Variants in ARID4A observed in about 807,000 individuals in gnomAD.
ARID4A encodes the protein AT-rich interactive domain-containing protein 4A.
ARID4A carries 39 observed loss-of-function variants against 148.6 expected under a neutral mutation model. The ratio of observed to expected loss-of-function variants is 0.26; its 90% confidence interval spans 0.20 to 0.34. ARID4A has a LOEUF of 0.34. Ranked by LOEUF, ARID4A falls within the 10% of genes least tolerant of loss-of-function variation. The probability of loss-of-function intolerance (pLI) is 1.00; values close to 1 mark genes in which losing one functional copy is unlikely to be tolerated. For synonymous variants in ARID4A, 475 were observed against 481.2 expected (o/e 0.99, Z 0.17); for missense variants, 1,265 against 1,449.1 (o/e 0.87, Z 2.06).
rs753746892 is a variant in ARID4A, at chr14:58,364,271, A to C, written c.2182A>C (p.Asn728His). ...TGAACTAGAAAAAAATGAAAATTTG[A>C]ATGATGATAAGCTAGATGAAGAAAA... Reference protein sequence around the residue: ...KDELEKNENLNDDKLDEENPK... With the variant: ...KDELEKNENLHDDKLDEENPK... The change falls in exon 20 of 24, where the codon AAT becomes CAT. Residue 728 changes from asparagine to histidine, a missense_variant. Physicochemically the swap from Asn to His is moderately conservative, Grantham distance 68. This residue lies in a region of ARID4A where 666 missense variants were observed against 730.9 expected (regional missense o/e 0.91). Transcript: ENST00000355431. The C allele has an allele frequency of 3.9e-6, 6 of 1,545,734 alleles. No homozygotes were observed. The highest frequency in any genetic ancestry group is 5.2e-6 in the Non-Finnish European group (6 of 1,156,446).
intron 18 of ARID4A, among the ~76,000 whole-genome samples, chr14:58,360,679 G>T (rs1235391250): frequency 6.6e-6 from 1 of 152,210 alleles, no homozygotes; most frequent in East Asian, 1.9e-4. Flanking sequence ...AAATTCAGCA[G>T]TGGAGGATTA....
chr14:58,361,048 A>T lies in ARID4A; in HGVS notation c.2080+6A>T, dbSNP rs748801380. The stretch of plus-strand genomic sequence containing the variant: ...AAACAGTGAAGGAAAATCAGGTACC[A>T]GAAGTGCTCGCAGCAATATACCAGA... On this transcript the variant is annotated splice_donor_region_variant and intron_variant, in intron 19 of 23. Transcript: ENST00000355431. The T allele has an allele frequency of 5.6e-6, 9 of 1,613,060 alleles. No homozygotes were observed. The highest frequency in any genetic ancestry group is 7.6e-6 in the Non-Finnish European group (9 of 1,179,610).
chr14:58,316,636 A>C (rs2032431260), intron 5 of ARID4A, among the ~76,000 whole-genome samples: 1 of 152,122 alleles, frequency 6.6e-6, no homozygotes, highest in African/African-American at 2.4e-5. Context: ...GCTGGAGTGC[A>C]ATGGCGCAAT....
At chr14:58,317,429 C>G (rs973960222) in intron 5 of ARID4A, among the ~76,000 whole-genome samples, 2 of 148,798 alleles carry the variant, frequency 1.3e-5, no homozygotes, top group African/African-American at 4.9e-5. Flanking sequence ...GGACTACAGG[C>G]GCCCGCCACC....
At chr14:58,317,624 C>CTTTTTTTTTTTTTTTTTTT (rs71107933) in intron 5 of ARID4A, among the ~76,000 whole-genome samples, 1 of 69,888 alleles carries the variant, frequency 1.4e-5, no homozygotes, top group African/African-American at 6.3e-5. Context: ...TTATATTTGT[C>CTTTTTTTTTTTTTTTTTTT]TTTTTTTTTT....
intron 8 of ARID4A, among the ~76,000 whole-genome samples, chr14:58,325,988 A>AGTAACAG (rs1323841326): frequency 6.6e-6 from 1 of 152,154 alleles, no homozygotes; most frequent in Non-Finnish European, 1.5e-5. Flanking sequence ...GAATAATTCA[A>AGTAACAG]GTAACAGTAA....
At chr14:58,361,498 G>A (rs932008330) in intron 19 of ARID4A, among the ~76,000 whole-genome samples, 1 of 152,142 alleles carries the variant, frequency 6.6e-6, no homozygotes, top group Non-Finnish European at 1.5e-5. Flanking sequence ...GAATTTATAT[G>A]CCAGCTACTG....
chr14:58,319,659 C>G (rs2032725010), intron 7 of ARID4A, among the ~76,000 whole-genome samples: 1 of 145,932 alleles, frequency 6.9e-6, no homozygotes. Flanking sequence ...ATTCTCCTGC[C>G]TCAGCCTCCT....
chr14:58,368,749 A>G (rs113989615), intron 23 of ARID4A, among the ~76,000 whole-genome samples: 4 of 152,342 alleles, frequency 2.6e-5, no homozygotes, highest in African/African-American at 9.6e-5. Flanking sequence ...AAGTCTAAAC[A>G]CAAAATTCAT....
chr14:58,349,804 A>G (rs1371352982), intron 15 of ARID4A, among the ~76,000 whole-genome samples: 1 of 151,880 alleles, frequency 6.6e-6, no homozygotes, highest in African/African-American at 2.4e-5. Flanking sequence ...TCATTTACCT[A>G]TAGATATTTT....
In ARID4A at chr14:58,364,349, C is replaced by T; in HGVS notation, c.2260C>T (p.Pro754Ser). ...AGAAAATGATAGGACTCAAATGCAG[C>T]CTTTAGAAACCCTGAAGTTAGAAGT... ...LKENDRTQMQ[P>S]LETLKLEVGE... The change falls in exon 20 of 24, where the codon CCT (proline) becomes TCT (serine). Residue 754 changes from proline to serine, a missense_variant. Physicochemically the swap from Pro to Ser is moderately conservative, Grantham distance 74 (BLOSUM62 -1). Transcript: ENST00000355431. 1.3e-6 allele frequency: 2 copies of T among 1,587,686 alleles called. No individual in the cohort carries two copies. Among genetic ancestry groups the T allele is most frequent in the South Asian group, 2.4e-5 (2 of 84,222 alleles).
chr14:58,333,833 A>G (rs1402590310), intron 11 of ARID4A, among the ~76,000 whole-genome samples: 2 of 152,166 alleles, frequency 1.3e-5, no homozygotes, highest in African/African-American at 4.8e-5. Flanking sequence ...TAGGAAATCC[A>G]TGCTAAATTG....
At chr14:58,371,850 G>A (rs2140283824) in intron 23 of ARID4A, 36 bp from the exon 24 acceptor site, 4 of 1,510,982 alleles carry the variant, frequency 2.6e-6, no homozygotes, top group Non-Finnish European at 3.7e-6. Context: ...TTGTGTAACA[G>A]TTTTTGGATC....
Position 58,353,639 on chromosome 14 carries a change from G to A in ARID4A, c.1656-19G>A. ...CATTAAGTTATTAGTAGCATTATCA[G>A]TATTATAACTTACTGCAGGGAAGAA... is the stretch of plus-strand genomic sequence containing the variant. On this transcript the variant is annotated intron_variant, in intron 16 of 23. Coordinates refer to ENST00000355431, the MANE Select transcript of ARID4A (RefSeq NM_002892.4). 1 of 1,599,756 alleles carries A rather than the reference G, an allele frequency of 6.3e-7. No homozygotes were observed. The highest frequency in any genetic ancestry group is 8.6e-7 in the Non-Finnish European group (1 of 1,167,706).
At chr14:58,315,992 G>A (rs1406545571) in intron 5 of ARID4A, among the ~76,000 whole-genome samples, 1 of 152,174 alleles carries the variant, frequency 6.6e-6, no homozygotes, top group African/African-American at 2.4e-5. Context: ...CTAAGAGGGA[G>A]AACTGATTGA....
chr14:58,337,839 G>T (rs1348559946), intron 11 of ARID4A, among the ~76,000 whole-genome samples: 1 of 152,072 alleles, frequency 6.6e-6, no homozygotes, highest in Admixed American at 6.5e-5. Context: ...TAAAACATAG[G>T]CGGTTCCTGA....
chr14:58,322,910 C>CTGAGATAG (rs1234307137), intron 7 of ARID4A, among the ~76,000 whole-genome samples: 1 of 131,060 alleles, frequency 7.6e-6, no homozygotes, highest in East Asian at 2.1e-4. Context: ...TTGCAGTTAG[C>CTGAGATAG]TGAGATAGCA....
intron 21 of ARID4A, among the ~76,000 whole-genome samples, 158 bp from the exon 22 acceptor site, chr14:58,365,866 T>C (rs772320363): frequency 1.3e-5 from 2 of 152,138 alleles, no homozygotes; most frequent in Non-Finnish European, 2.9e-5. Flanking sequence ...AGCATTTAGG[T>C]TTTTTTGTTT....
At chr14:58,337,532 T>C (rs1438884306) in intron 11 of ARID4A, among the ~76,000 whole-genome samples, 1 of 152,092 alleles carries the variant, frequency 6.6e-6, no homozygotes, top group East Asian at 1.9e-4. Flanking sequence ...AGATTTGTTA[T>C]AAGGTTCTAG....
Sources: gnomAD v4.1 joint callset for allele counts (sites outside exome capture counted in the v4.1 genomes callset) on GRCh38, gnomAD v4.1.1 for gene constraint, gnomAD v4.1.1 regional missense constraint, MANE v1.5 for transcripts, NCBI Gene and HGNC (gene_info 2026-07-23, HGNC 2026-07-21) for gene names.